Variants in ANTXR1 observed in about 807,000 individuals in gnomAD.
The protein encoded by ANTXR1 is anthrax toxin receptor 1.
ANTXR1 carries 19 observed loss-of-function variants against 78.1 expected under a neutral mutation model. The observed-to-expected ratio is 0.24, with a 90% CI of 0.17 to 0.36. ANTXR1 has a LOEUF of 0.36. Among genes scored for constraint, ANTXR1 ranks in the 10% least tolerant of loss-of-function variants. ANTXR1 has a pLI of 1.00. For missense variants in ANTXR1, 518 were observed against 718.6 expected, an observed-to-expected ratio of 0.72 and a Z score of 3.19; for synonymous variants, 273 against 260.5, an observed-to-expected ratio of 1.05 and a Z score of -0.46.
intron 17 of ANTXR1, among the ~76,000 whole-genome samples, chr2:69,213,066 C>T (rs1479935921): frequency 6.7e-6 from 1 of 148,628 alleles, no homozygotes; most frequent in African/African-American, 2.5e-5. Flanking sequence ...CTCAGCTTCT[C>T]AGAATGCTGG....
intron 17 of ANTXR1, among the ~76,000 whole-genome samples, chr2:69,228,970 AG>A (rs1437540384): frequency 6.6e-6 from 1 of 152,128 alleles, no homozygotes; most frequent in Non-Finnish European, 1.5e-5. Context: ...GGTTCTGGTG[AG>A]GCCCCTCTTC....
At chr2:69,206,075 G>C (rs1366287097) in intron 17 of ANTXR1, among the ~76,000 whole-genome samples, 1 of 152,164 alleles carries the variant, frequency 6.6e-6, no homozygotes, top group African/African-American at 2.4e-5. Context: ...AATCCACAGT[G>C]ATGACAGAGC....
intron 3 of ANTXR1, among the ~76,000 whole-genome samples, chr2:69,049,166 A>G (rs969587200): frequency 6.6e-4 from 101 of 152,222 alleles, no homozygotes; most frequent in African/African-American, 2.3e-3. Flanking sequence ...ATTTACAAAA[A>G]CGTGCATGTC....
At chr2:69,116,482 G>A (rs1482721290) in intron 10 of ANTXR1, among the ~76,000 whole-genome samples, 1 of 152,220 alleles carries the variant, frequency 6.6e-6, no homozygotes, top group Non-Finnish European at 1.5e-5. Flanking sequence ...ACTCCGGCCT[G>A]TCTGTTGTTC....
intron 17 of ANTXR1, among the ~76,000 whole-genome samples, chr2:69,235,161 T>C (rs1675724364): frequency 6.6e-6 from 1 of 151,796 alleles, no homozygotes; most frequent in Admixed American, 6.5e-5. Context: ...GTAGTTGGGA[T>C]TACAGGCATG....
chr2:69,067,759 T>C (rs1260694550), intron 3 of ANTXR1, among the ~76,000 whole-genome samples: 2 of 152,302 alleles, frequency 1.3e-5, no homozygotes, highest in African/African-American at 2.4e-5. Context: ...CTCATGAAAC[T>C]GGCAACTCAC....
chr2:69,131,370 T>G (rs544781528), intron 12 of ANTXR1, among the ~76,000 whole-genome samples: 66 of 152,320 alleles, frequency 4.3e-4, no homozygotes, highest in Non-Finnish European at 7.9e-4. Context: ...GCCACAGACT[T>G]GTTCATTATT....
intron 17 of ANTXR1, among the ~76,000 whole-genome samples, chr2:69,211,483 A>G (rs1455646755): frequency 6.6e-6 from 1 of 152,192 alleles, no homozygotes; most frequent in Admixed American, 6.5e-5. Context: ...AAACACCTTC[A>G]CTGGTTCCCA....
chr2:69,092,647 G>A (rs1671276923), intron 9 of ANTXR1, among the ~76,000 whole-genome samples: 1 of 152,218 alleles, frequency 6.6e-6, no homozygotes, highest in African/African-American at 2.4e-5. Context: ...CACAGAGGTA[G>A]ATCGGTGAGA....
At chr2:69,111,215 C>T (rs1329835536) in intron 10 of ANTXR1, among the ~76,000 whole-genome samples, 1 of 152,200 alleles carries the variant, frequency 6.6e-6, no homozygotes, top group Non-Finnish European at 1.5e-5. Context: ...TGGAAATCTT[C>T]ACACAAACTG....
chr2:69,069,978 A>G (rs1292344146), intron 3 of ANTXR1, among the ~76,000 whole-genome samples: 1 of 152,208 alleles, frequency 6.6e-6, no homozygotes, highest in East Asian at 1.9e-4. Context: ...ACATGAATGT[A>G]GACTTCTTAC....
chr2:69,113,731 A>G (rs1672059494), intron 10 of ANTXR1, among the ~76,000 whole-genome samples: 1 of 152,182 alleles, frequency 6.6e-6, no homozygotes, highest in South Asian at 2.1e-4. Context: ...ATTATTCCAA[A>G]TTTGTATACT....
chr2:69,232,513 A>C (rs1573994196), intron 17 of ANTXR1, among the ~76,000 whole-genome samples: 1 of 151,638 alleles, frequency 6.6e-6, no homozygotes, highest in South Asian at 2.1e-4. Flanking sequence ...AAAAAAAAAA[A>C]GCACTTTGAA....
chr2:69,194,501 G>C (rs1022862405), intron 17 of ANTXR1, among the ~76,000 whole-genome samples: 1 of 152,200 alleles, frequency 6.6e-6, no homozygotes, highest in East Asian at 1.9e-4. Context: ...TCTTCCTACT[G>C]TGGCTGGTTG....
intron 6 of ANTXR1, among the ~76,000 whole-genome samples, chr2:69,074,945 G>T (rs139561368): frequency 6.6e-6 from 1 of 152,190 alleles, no homozygotes; most frequent in Non-Finnish European, 1.5e-5. Context: ...CCAAAATCTG[G>T]GTATTATTCA....
Position 69,013,395 on chromosome 2 carries a change from A to G in ANTXR1, c.-105A>G. The G allele has an allele frequency of 1.3e-6, 2 of 1,497,474 alleles. No individual in the cohort carries two copies. Among genetic ancestry groups the G allele is most frequent in the Non-Finnish European group, 1.8e-6 (2 of 1,101,758 alleles). The allele number at this position is 1,497,474 out of a possible 1,614,324, so 92.8% of individuals were successfully genotyped here. A position where few individuals can be genotyped will look rare whatever the true frequency, so the allele number is the denominator to read the frequency against. ...GAGTTGCGAGGGAGCGAGGGGGAAT[A>G]AAGGACCCGCGAGGAAGGGCCCGCG... On this transcript the variant is annotated 5_prime_UTR_variant, in exon 1 of 18. In the 5' UTR this introduces an upstream ATG that the reference lacks. Coordinates refer to ENST00000303714, the MANE Select transcript of ANTXR1 (RefSeq NM_032208.3). This position sits in a 1 kb window ranked among gnomAD's most constrained non-coding sequence, Gnocchi z 5.0.
At chr2:69,048,183 C>A (rs1016433928) in intron 3 of ANTXR1, among the ~76,000 whole-genome samples, 2 of 151,850 alleles carry the variant, frequency 1.3e-5, no homozygotes, top group Non-Finnish European at 2.9e-5. Context: ...AGAAATAAGA[C>A]CACGTGAAGG....
intron 17 of ANTXR1, among the ~76,000 whole-genome samples, chr2:69,223,983 C>A (rs186477400): frequency 5.4e-4 from 82 of 152,344 alleles, no homozygotes; most frequent in Middle Eastern, 3.4e-3. Flanking sequence ...CTCATCTCCA[C>A]CCGGTCCTGC....
intron 17 of ANTXR1, among the ~76,000 whole-genome samples, chr2:69,230,554 A>AT (rs1675567577): frequency 6.6e-6 from 1 of 152,072 alleles, no homozygotes; most frequent in African/African-American, 2.4e-5. Flanking sequence ...ATTTATTAAT[A>AT]TTTTTTAAGA....
Sources: allele counts gnomAD v4.1 joint callset (sites outside exome capture counted in the v4.1 genomes callset), GRCh38; gene constraint gnomAD v4.1.1; non-coding constraint Gnocchi (gnomAD v3.1); transcripts MANE v1.5; gene names NCBI Gene and HGNC (gene_info 2026-07-23, HGNC 2026-07-21).